SEMA3E: variants seen among roughly 807,000 people sequenced by gnomAD.
SEMA3E encodes semaphorin-3E.
A neutral mutation model predicts 93.6 loss-of-function variants in SEMA3E; 49 were observed. The observed-to-expected ratio is 0.52, with a 90% CI of 0.42 to 0.66. The LOEUF is 0.66. Among genes scored for constraint, SEMA3E ranks in the 30% least tolerant of loss-of-function variants. SEMA3E has a pLI of 0.00. For missense variants in SEMA3E, 906 were observed against 964.8 expected (o/e 0.94, Z 0.81); for synonymous variants, 363 against 330.7 (o/e 1.10, Z -1.06).
intron 1 of SEMA3E, among the ~76,000 whole-genome samples, chr7:83,528,895 T>C (rs1791225055): frequency 6.6e-6 from 1 of 152,132 alleles, no homozygotes; most frequent in Non-Finnish European, 1.5e-5. Context: ...TAATGAATTA[T>C]ACTATAAAGG....
chr7:83,487,230 T>TA (rs1790276200), intron 2 of SEMA3E, among the ~76,000 whole-genome samples: 1 of 152,092 alleles, frequency 6.6e-6, no homozygotes, highest in African/African-American at 2.4e-5. Flanking sequence ...CTCTTGGTCT[T>TA]ATGGTCCACA....
intron 14 of SEMA3E, among the ~76,000 whole-genome samples, chr7:83,392,233 G>A (rs961530393): frequency 2.6e-5 from 4 of 152,074 alleles, no homozygotes; most frequent in Admixed American, 6.6e-5. Flanking sequence ...AGGACATGGG[G>A]CAAATGCAGG....
intron 2 of SEMA3E, among the ~76,000 whole-genome samples, chr7:83,477,681 G>A (rs1368009319): frequency 6.6e-6 from 1 of 152,010 alleles, no homozygotes; most frequent in Non-Finnish European, 1.5e-5. Flanking sequence ...ATGGCCTTTT[G>A]TATGGATAAA....
At chr7:83,632,840 A>G (rs1379720021) in intron 1 of SEMA3E, among the ~76,000 whole-genome samples, 5 of 152,182 alleles carry the variant, frequency 3.3e-5, no homozygotes, top group East Asian at 1.9e-4. Flanking sequence ...ACAAAATGAA[A>G]TGGAATTCCT....
At chr7:83,414,364 T>C (rs1368850269) in intron 5 of SEMA3E, among the ~76,000 whole-genome samples, 1 of 138,258 alleles carries the variant, frequency 7.2e-6, no homozygotes, top group Non-Finnish European at 1.6e-5. Flanking sequence ...TTTAATATTA[T>C]TAACAACTTG....
intron 1 of SEMA3E, among the ~76,000 whole-genome samples, chr7:83,570,926 G>A (rs965480304): frequency 1.3e-5 from 2 of 151,552 alleles, no homozygotes; most frequent in African/African-American, 4.8e-5. Context: ...ATACCTCTAT[G>A]CACACAAATT....
At chr7:83,578,477 A>T (rs189140410) in intron 1 of SEMA3E, among the ~76,000 whole-genome samples, 1 of 152,044 alleles carries the variant, frequency 6.6e-6, no homozygotes, top group East Asian at 1.9e-4. Context: ...AATAGCTTGA[A>T]CTCAGGAGGC....
chr7:83,449,165 T>C, intron 4 of SEMA3E, among the ~76,000 whole-genome samples: 1 of 151,928 alleles, frequency 6.6e-6, no homozygotes, highest in East Asian at 1.9e-4. Context: ...AGTGGCGTAA[T>C]CTTGGCTCAC....
intron 1 of SEMA3E, among the ~76,000 whole-genome samples, chr7:83,492,509 T>C (rs1277228664): frequency 6.6e-6 from 1 of 152,008 alleles, no homozygotes; most frequent in Non-Finnish European, 1.5e-5. Flanking sequence ...AATTATTGAA[T>C]CATCAATCTT....
chr7:83,530,658 C>A (rs1584312050), intron 1 of SEMA3E, among the ~76,000 whole-genome samples: 1 of 152,052 alleles, frequency 6.6e-6, no homozygotes, highest in Non-Finnish European at 1.5e-5. Flanking sequence ...GGGTGGATCC[C>A]CTGAGGTCAG....
chr7:83,395,376 C>T (rs187825248), intron 12 of SEMA3E, among the ~76,000 whole-genome samples: 17 of 152,254 alleles, frequency 1.1e-4, no homozygotes, highest in African/African-American at 3.1e-4. Flanking sequence ...AGTCTTTTCA[C>T]ATCTACCCAT....
chr7:83,402,137 T>C (rs777346666), intron 10 of SEMA3E, among the ~76,000 whole-genome samples: 2 of 151,924 alleles, frequency 1.3e-5, no homozygotes, highest in Non-Finnish European at 2.9e-5. Context: ...TCTGAGGAGA[T>C]AGAGAAAAAA....
intron 1 of SEMA3E, among the ~76,000 whole-genome samples, chr7:83,602,217 T>A (rs774896141): frequency 6.6e-6 from 1 of 152,134 alleles, no homozygotes; most frequent in Admixed American, 6.5e-5. Context: ...TGTCTAATCA[T>A]AGGGAGTCAC....
intron 16 of SEMA3E, among the ~76,000 whole-genome samples, chr7:83,379,927 ATAC>A (rs750634911): frequency 6.6e-6 from 1 of 151,826 alleles, no homozygotes; most frequent in Non-Finnish European, 1.5e-5. Flanking sequence ...CCTGAAATTG[ATAC>A]TACATTTTTT....
intron 14 of SEMA3E, among the ~76,000 whole-genome samples, chr7:83,387,594 T>C (rs2116919784): frequency 6.6e-6 from 1 of 151,964 alleles, no homozygotes; most frequent in African/African-American, 2.4e-5. Flanking sequence ...TCAGCTTACT[T>C]TTATTCAGAT....
intron 2 of SEMA3E, among the ~76,000 whole-genome samples, chr7:83,483,076 G>T (rs1246048607): frequency 1.3e-5 from 2 of 151,452 alleles, no homozygotes; most frequent in African/African-American, 4.9e-5. Context: ...GTTAACTGGG[G>T]CCTGAAAAAA....
At chr7:83,635,538 T>C (rs1793864060) in intron 1 of SEMA3E, among the ~76,000 whole-genome samples, 2 of 150,752 alleles carry the variant, frequency 1.3e-5, no homozygotes, top group African/African-American at 4.9e-5. Flanking sequence ...AAGTGCATTG[T>C]ATTTAATTAA....
At chr7:83,471,394 G>A (rs180762375) in intron 2 of SEMA3E, among the ~76,000 whole-genome samples, 76 of 150,834 alleles carry the variant, frequency 5.0e-4, no homozygotes, top group Middle Eastern at 3.4e-3. Context: ...GGAACAGAAA[G>A]GGAAAAAACA....
In SEMA3E at chr7:83,469,216, G is replaced by C. The variant is rs367747219; in HGVS notation, c.336+27C>G. ...TAACTAGGGATATAATTGATGATTT[G>C]TTTAATTTACAATGAATCATACTTA... On this transcript the variant is annotated intron_variant, in intron 3 of 16. Coordinates refer to ENST00000643230, the MANE Select transcript of SEMA3E (RefSeq NM_012431.3). 2.6e-6 allele frequency: 4 copies of C among 1,553,612 alleles called. No homozygotes were observed. In the African/African-American group the frequency reaches 4.1e-5, roughly 16 times the overall value.
Sources: gnomAD v4.1 joint callset for allele counts (sites outside exome capture counted in the v4.1 genomes callset) on GRCh38, gnomAD v4.1.1 for gene constraint, MANE v1.5 for transcripts, NCBI Gene and HGNC (gene_info 2026-07-23, HGNC 2026-07-21) for gene names.